MED23: variants seen among roughly 807,000 people sequenced by gnomAD.
MED23 encodes mediator complex subunit 23.
In MED23, 105 loss-of-function variants were observed where a neutral mutation model predicts 163.9. The observed-to-expected ratio is 0.64, with a 90% CI of 0.55 to 0.75. MED23 has a LOEUF of 0.75. Among genes scored for constraint, MED23 ranks in the 30% least tolerant of loss-of-function variants. The probability of loss-of-function intolerance (pLI) is 0.00; values close to 1 mark genes in which losing one functional copy is unlikely to be tolerated. For synonymous variants in MED23, 561 were observed against 565.6 expected (o/e 0.99, Z 0.12); for missense variants, 1,054 against 1,649.0 (o/e 0.64, Z 6.25).
At chr6:131,588,190 T>G (rs1367695742) in intron 28 of MED23, among the ~76,000 whole-genome samples, 1 of 152,236 alleles carries the variant, frequency 6.6e-6, no homozygotes, top group African/African-American at 2.4e-5. Flanking sequence ...GAGTTTACAC[T>G]GGAAATTTTA....
chr6:131,625,181 C>A (rs1777394377), intron 3 of MED23, among the ~76,000 whole-genome samples, 192 bp from the exon 4 acceptor site: 1 of 152,090 alleles, frequency 6.6e-6, no homozygotes, highest in Non-Finnish European at 1.5e-5. Context: ...TTAAGCTTAA[C>A]ATTTTGTAAT....
At chr6:131,579,302 G>A in intron 30 of MED23, 2 of 1,613,552 alleles carry the variant, frequency 1.2e-6, no homozygotes, top group Non-Finnish European at 1.7e-6. Context: ...TTGAATAACT[G>A]TGTCTATGGG....
At position 131,615,964 on chromosome 6, in the gene MED23, T is replaced by C. The variant is rs757431017; in HGVS notation, c.819A>G (p.Val273=). The C allele has an allele frequency of 4.3e-6, 7 of 1,613,704 alleles. No homozygotes were observed. Among genetic ancestry groups the C allele is most frequent in the Middle Eastern group, 1.6e-4 (1 of 6,080 alleles). ...FEPQTALLRY[V]LEQPYSRDMV... is the part of the protein sequence containing the mutation. ...TATCCCTGGAATAAGGCTGCTCCAATACATATCTCAACAAAGCAGTCTGTG... is the reference window on the plus strand; with the variant it reads ...TATCCCTGGAATAAGGCTGCTCCAACACATATCTCAACAAAGCAGTCTGTG... The change falls in exon 10 of 29, where the codon GTA becomes GTG. Residue 273 remains valine, a synonymous_variant. Coordinates refer to ENST00000368068, the MANE Select transcript of MED23 (RefSeq NM_004830.4).
chr6:131,576,324 T>C (rs1323184332), intron 30 of MED23, among the ~76,000 whole-genome samples: 1 of 152,228 alleles, frequency 6.6e-6, no homozygotes, highest in East Asian at 1.9e-4. Context: ...TTGCACAAAC[T>C]ACTTGTTCAC....
chr6:131,619,455 T>C (rs1005880069), intron 8 of MED23, among the ~76,000 whole-genome samples: 2 of 152,208 alleles, frequency 1.3e-5, no homozygotes, highest in African/African-American at 4.8e-5. Context: ...GGAATTAGAA[T>C]GGGCTGAGTG....
intron 4 of MED23, among the ~76,000 whole-genome samples, chr6:131,624,382 G>A (rs1322993723): frequency 6.6e-6 from 1 of 152,172 alleles, no homozygotes; most frequent in Non-Finnish European, 1.5e-5. Context: ...GGAGGTTCTG[G>A]CTAATAATCC....
In MED23 at chr6:131,621,989, G is replaced by GA; in HGVS notation, c.397-11dup. 6.3e-7 allele frequency: 1 copy of GA among 1,594,746 alleles called. No homozygotes were observed. The highest frequency in any genetic ancestry group is 8.6e-7 in the Non-Finnish European group (1 of 1,162,826). ...AGAGATCTCGAACACCCTGATATAA[G>GA]AAAAAAGACATGGGTTAAAATTAAG... On this transcript the variant is annotated splice_polypyrimidine_tract_variant and intron_variant, in intron 5 of 28. Transcript: ENST00000368068.
rs910108730 is a variant in MED23 at position 131,592,916 on chromosome 6, G to A, written c.3398+90C>T. 105 of 1,474,296 alleles carry A rather than the reference G, an allele frequency of 7.1e-5. 1 individual carries two copies. The highest frequency in any genetic ancestry group is 1.4e-4 in the South Asian group (12 of 86,442). 91.3% of individuals were successfully genotyped at this position (1,474,296 alleles called of 1,614,324 possible). On this transcript the variant is annotated intron_variant, in intron 24 of 28. Coordinates refer to ENST00000368068, the MANE Select transcript of MED23 (RefSeq NM_004830.4). ...ATCATCCAATGTGCATCAGCCTTGC[G>A]GCAACAGGTTTGTCTTAAAAGTTTG...
Position 131,627,957 on chromosome 6 carries a change from C to T in MED23, c.39+54G>A, listed in dbSNP as rs376087601. 55 of 1,612,118 alleles carry T rather than the reference C, an allele frequency of 3.4e-5. 1 individual carries two copies. The African/African-American group carries it at 6.9e-4, about 20-fold the overall frequency. On this transcript the variant is annotated intron_variant, in intron 1 of 28. Coordinates refer to ENST00000368068, the MANE Select transcript of MED23 (RefSeq NM_004830.4). Reference sequence around the variant, plus strand: ...GGCCAGTTTCCTTGGTCGGCTGCCCCCGCGTCTCCCCGTCCCCAAGCCGTA... The same window carrying T: ...GGCCAGTTTCCTTGGTCGGCTGCCCTCGCGTCTCCCCGTCCCCAAGCCGTA...
intron 5 of MED23, among the ~76,000 whole-genome samples, chr6:131,622,952 TTG>T (rs577137248): frequency 2.5e-4 from 38 of 152,348 alleles, no homozygotes; most frequent in African/African-American, 8.7e-4. Context: ...AAGATATTAA[TTG>T]AGGTAAGACC....
chr6:131,586,466 T>G (rs950488930), downstream of MED23, among the ~76,000 whole-genome samples: 23 of 152,142 alleles, frequency 1.5e-4, no homozygotes, highest in African/African-American at 5.3e-4. Flanking sequence ...AATTTTTAGC[T>G]GGACTTGCAT....
intron 14 of MED23, 32 bp downstream of exon 14, chr6:131,605,208 G>A (rs777502839): frequency 6.2e-7 from 1 of 1,609,312 alleles, no homozygotes; most frequent in Non-Finnish European, 8.5e-7. Context: ...TCAATTCCCT[G>A]ACATGGAACC....
chr6:131,623,228 A>G (rs1653636365), intron 5 of MED23, 123 bp downstream of exon 5: 5 of 845,530 alleles, frequency 5.9e-6, no homozygotes, highest in Non-Finnish European at 7.8e-6. Flanking sequence ...GAAATATACC[A>G]CAAGAAATAG....
downstream of MED23, chr6:131,583,821 C>A (rs756944730): frequency 1.1e-5 from 18 of 1,614,118 alleles, no homozygotes; most frequent in Admixed American, 3.3e-5. Context: ...GAACAGTGAA[C>A]ACAGCAGTTG....
At chr6:131,624,304 CT>C (rs1777326332) in intron 4 of MED23, among the ~76,000 whole-genome samples, 1 of 152,228 alleles carries the variant, frequency 6.6e-6, no homozygotes, top group African/African-American at 2.4e-5. Context: ...GCCTAGCCCT[CT>C]TTTGCACACT....
At chr6:131,583,371 C>G, downstream of MED23, 2 of 1,614,144 alleles carry the variant, frequency 1.2e-6, no homozygotes, top group South Asian at 2.2e-5. Context: ...AAGGCCAATT[C>G]ATCTAAGTTT....
chr6:131,627,161 T>C (rs926501216), intron 3 of MED23: 2 of 463,672 alleles, frequency 4.3e-6, no homozygotes, highest in Non-Finnish European at 7.5e-6. Flanking sequence ...GGGAGGTTTT[T>C]TTTTTTAAAC....
rs369882071 is a variant in MED23 at position 131,602,327 on chromosome 6, T to C, written c.1986A>G (p.Gln662=). 5.0e-6 allele frequency: 8 copies of C among 1,613,792 alleles called. No homozygotes were observed. The African/African-American group carries it at 8.0e-5, about 16-fold the overall frequency. ...LITALGSSEV[Q]PQFTRFLSDP... ...CACTAAGGAAGCGTGTAAACTGCGG[T>C]TGTACCTCTGAGCTACCTAATGCTG... The change falls in exon 17 of 29, where the codon CAA becomes CAG. Residue 662 remains glutamine (Q), a synonymous_variant. Transcript: ENST00000368068.
Position 131,593,011 on chromosome 6 carries a change from T to C in MED23, c.3393A>G (p.Leu1131=). 1 of 1,614,144 alleles carries C rather than the reference T, an allele frequency of 6.2e-7. No individual in the cohort carries two copies. Among genetic ancestry groups the C allele is most frequent in the Admixed American group, 1.7e-5 (1 of 60,006 alleles). The change falls in exon 24 of 29, where the codon CTA becomes CTG. Residue 1131 remains leucine (L), a synonymous_variant. Transcript: ENST00000368068. ...EVGNALLNVV[L]KSQPLVPREN... The stretch of plus-strand genomic sequence containing the variant: ...GCATGAACCAGAATACATACCTTTT[T>C]AGGACAACATTTAGAAGGGCATTCC...
Sources: gnomAD v4.1 joint callset for allele counts (sites outside exome capture counted in the v4.1 genomes callset) on GRCh38, gnomAD v4.1.1 for gene constraint, MANE v1.5 for transcripts, NCBI Gene and HGNC (gene_info 2026-07-23, HGNC 2026-07-21) for gene names.